The following SLC25A21 variants were observed in gnomAD, a reference collection of about 807,000 sequenced individuals.
SLC25A21 encodes the protein mitochondrial 2-oxodicarboxylate carrier.
SLC25A21 carries 47 observed loss-of-function variants against 43.8 expected under a neutral mutation model. The observed-to-expected ratio is 1.07, with a 90% CI of 0.85 to 1.37. The LOEUF is 1.37. SLC25A21 is among the 40% of genes most tolerant of loss of function. The probability of loss-of-function intolerance (pLI) is 0.00; values close to 1 mark genes in which losing one functional copy is unlikely to be tolerated. For missense variants in SLC25A21, 352 were observed against 350.2 expected (o/e 1.00, Z -0.04); for synonymous variants, 131 against 121.3 (o/e 1.08, Z -0.52).
intron 7 of SLC25A21, among the ~76,000 whole-genome samples, chr14:36,690,098 T>C (rs1053890630): frequency 6.6e-6 from 1 of 152,226 alleles, no homozygotes; most frequent in Non-Finnish European, 1.5e-5. Flanking sequence ...ATCTGAGTGA[T>C]ACCTATCTCA....
At chr14:36,906,232 T>C (rs1891529750) in intron 1 of SLC25A21, among the ~76,000 whole-genome samples, 1 of 152,168 alleles carries the variant, frequency 6.6e-6, no homozygotes, top group African/African-American at 2.4e-5. Flanking sequence ...AGCACTTAAG[T>C]AAAACAATGA....
At chr14:37,014,009 T>G (rs1280022775) in intron 1 of SLC25A21, among the ~76,000 whole-genome samples, 1 of 152,088 alleles carries the variant, frequency 6.6e-6, no homozygotes, top group Non-Finnish European at 1.5e-5. Context: ...AAAAATACTT[T>G]ATTGCAAAAA....
chr14:36,860,158 A>C (rs74047029), intron 2 of SLC25A21, among the ~76,000 whole-genome samples: 4,185 of 151,510 alleles, frequency 0.028, 191 homozygotes, highest in African/African-American at 0.097. Context: ...AGAGAGACAC[A>C]CGGGAGGCCA....
chr14:36,735,807 G>A (rs1266870334), intron 3 of SLC25A21, among the ~76,000 whole-genome samples: 1 of 112,076 alleles, frequency 8.9e-6, no homozygotes, highest in African/African-American at 4.0e-5. Context: ...TCTTATCCCA[G>A]AATCCTTTTT....
chr14:37,019,416 A>C (rs1367124508), intron 1 of SLC25A21, among the ~76,000 whole-genome samples: 1 of 151,580 alleles, frequency 6.6e-6, no homozygotes, highest in East Asian at 1.9e-4. Flanking sequence ...CATCCTATTC[A>C]TTTCCTTAAT....
chr14:36,725,709 A>C, intron 5 of SLC25A21, 32 bp from the exon 6 acceptor site: 2 of 1,461,186 alleles, frequency 1.4e-6, no homozygotes, highest in Non-Finnish European at 1.9e-6. Context: ...ATACTTTAAA[A>C]CAAGTTATCA....
At chr14:36,902,293 G>C (rs1466919559) in intron 1 of SLC25A21, among the ~76,000 whole-genome samples, 2 of 152,122 alleles carry the variant, frequency 1.3e-5, no homozygotes, top group African/African-American at 4.8e-5. Flanking sequence ...GGTTGTCCTT[G>C]CCAGTCACAG....
chr14:36,709,059 G>A (rs1883713964), intron 7 of SLC25A21, among the ~76,000 whole-genome samples: 1 of 151,510 alleles, frequency 6.6e-6, no homozygotes, highest in African/African-American at 2.4e-5. Context: ...CCAGGCTGGA[G>A]TGCAATGGCG....
At chr14:36,894,446 C>T (rs1321700702) in intron 1 of SLC25A21, among the ~76,000 whole-genome samples, 1 of 152,096 alleles carries the variant, frequency 6.6e-6, no homozygotes, top group Non-Finnish European at 1.5e-5. Context: ...TGGGCTGAGA[C>T]AATGGGGTTT....
intron 2 of SLC25A21, among the ~76,000 whole-genome samples, chr14:36,822,995 T>C (rs1169901457): frequency 6.6e-6 from 1 of 152,212 alleles, no homozygotes; most frequent in African/African-American, 2.4e-5. Flanking sequence ...CTTTCACAAT[T>C]ACAAGACATA....
At chr14:36,945,425 C>A (rs1463098966) in intron 1 of SLC25A21, among the ~76,000 whole-genome samples, 1 of 152,148 alleles carries the variant, frequency 6.6e-6, no homozygotes, top group East Asian at 1.9e-4. Flanking sequence ...ACATTCACAG[C>A]AGCGCTATTC....
At chr14:36,827,524 T>G (rs750353750) in intron 2 of SLC25A21, among the ~76,000 whole-genome samples, 59 of 152,182 alleles carry the variant, frequency 3.9e-4, no homozygotes, top group Non-Finnish European at 1.6e-4. Context: ...GATCTTTCCT[T>G]TTTTGTGTTT....
At chr14:36,698,629 C>G (rs1883144849) in intron 7 of SLC25A21, among the ~76,000 whole-genome samples, 1 of 152,004 alleles carries the variant, frequency 6.6e-6, no homozygotes, top group South Asian at 2.1e-4. Flanking sequence ...CTCTTTTTTT[C>G]TCTAACCTGG....
intron 6 of SLC25A21, among the ~76,000 whole-genome samples, chr14:36,717,976 T>C (rs1489462687): frequency 6.6e-6 from 1 of 152,152 alleles, no homozygotes; most frequent in Non-Finnish European, 1.5e-5. Flanking sequence ...AATCAACTAA[T>C]TTTTCTTTAT....
At chr14:36,823,703 T>C (rs935376058) in intron 2 of SLC25A21, among the ~76,000 whole-genome samples, 15 of 152,282 alleles carry the variant, frequency 9.9e-5, no homozygotes, top group African/African-American at 3.6e-4. Flanking sequence ...AGTATCGTAG[T>C]TTTCCTGCAT....
chr14:36,865,399 C>CT (rs902631200), intron 2 of SLC25A21, among the ~76,000 whole-genome samples: 79 of 152,226 alleles, frequency 5.2e-4, no homozygotes, highest in Admixed American at 1.4e-3. Context: ...GATTTCTGCC[C>CT]TAGTACCCCA....
intron 1 of SLC25A21, among the ~76,000 whole-genome samples, chr14:36,905,385 C>G (rs1214844573): frequency 4.6e-5 from 7 of 152,120 alleles, no homozygotes; most frequent in African/African-American, 1.7e-4. Context: ...ATCAATATTC[C>G]TGCTATGAAA....
intron 7 of SLC25A21, among the ~76,000 whole-genome samples, chr14:36,697,108 T>G (rs1230129429): frequency 2.0e-5 from 3 of 152,252 alleles, no homozygotes; most frequent in Non-Finnish European, 4.4e-5. Flanking sequence ...TGGTATGTTG[T>G]GTCTTTGTTC....
At chr14:36,822,933 T>C (rs1888686700) in intron 2 of SLC25A21, among the ~76,000 whole-genome samples, 1 of 152,202 alleles carries the variant, frequency 6.6e-6, no homozygotes, top group South Asian at 2.1e-4. Context: ...ACAATAAACA[T>C]TTACTTGCAT....
Sources: allele counts gnomAD v4.1 joint callset (sites outside exome capture counted in the v4.1 genomes callset), GRCh38; gene constraint gnomAD v4.1.1; transcripts MANE v1.5; gene names NCBI Gene and HGNC (gene_info 2026-07-23, HGNC 2026-07-21).